Variants in SLC24A3 observed in about 807,000 individuals in gnomAD.
SLC24A3 encodes the protein sodium/potassium/calcium exchanger 3.
In SLC24A3, 28 loss-of-function variants were observed where a neutral mutation model predicts 75.8. The ratio of observed to expected loss-of-function variants is 0.37; its 90% confidence interval spans 0.27 to 0.51. SLC24A3 has a LOEUF of 0.51. Ranked by LOEUF, SLC24A3 falls within the 20% of genes least tolerant of loss-of-function variation. SLC24A3 has a pLI of 0.94. For synonymous variants in SLC24A3, 372 were observed against 334.1 expected (o/e 1.11, Z -1.24); for missense variants, 663 against 847.8 (o/e 0.78, Z 2.71).
intron 2 of SLC24A3, among the ~76,000 whole-genome samples, chr20:19,343,606 C>A (rs1333804109): frequency 6.6e-6 from 1 of 151,804 alleles, no homozygotes; most frequent in Non-Finnish European, 1.5e-5. Context: ...TCATGGAGTA[C>A]AGGGTCTCTG....
chr20:19,280,549 G>A (rs1737967938), intron 1 of SLC24A3, among the ~76,000 whole-genome samples: 1 of 152,148 alleles, frequency 6.6e-6, no homozygotes, highest in Non-Finnish European at 1.5e-5. Context: ...CTTGGCATTG[G>A]CTACAATGGG....
At chr20:19,393,536 T>G (rs1986400399) in intron 2 of SLC24A3, among the ~76,000 whole-genome samples, 1 of 152,132 alleles carries the variant, frequency 6.6e-6, no homozygotes, top group Admixed American at 6.5e-5. Context: ...CATACAAAAA[T>G]CAGTTGCATT....
chr20:19,468,272 G>A (rs56066102), intron 2 of SLC24A3, among the ~76,000 whole-genome samples: 98 of 152,230 alleles, frequency 6.4e-4, no homozygotes, highest in Middle Eastern at 3.4e-3. Context: ...TAGAGATTCC[G>A]TAGCATATTT....
intron 3 of SLC24A3, among the ~76,000 whole-genome samples, chr20:19,536,590 A>C (rs1394678075): frequency 1.3e-5 from 2 of 152,234 alleles, no homozygotes; most frequent in Non-Finnish European, 2.9e-5. Flanking sequence ...CCAAAAGAAC[A>C]AAGCTGGAGG....
At chr20:19,478,310 A>G (rs1165630839) in intron 2 of SLC24A3, among the ~76,000 whole-genome samples, 3 of 152,146 alleles carry the variant, frequency 2.0e-5, no homozygotes, top group African/African-American at 4.8e-5. Context: ...TTTTTATTTC[A>G]GAAGTGGCCA....
intron 2 of SLC24A3, among the ~76,000 whole-genome samples, chr20:19,431,315 G>A (rs1220070574): frequency 6.6e-6 from 1 of 151,966 alleles, no homozygotes; most frequent in Non-Finnish European, 1.5e-5. Flanking sequence ...GGTTGGGAGG[G>A]GCAGTGGACC....
intron 2 of SLC24A3, among the ~76,000 whole-genome samples, chr20:19,395,074 A>G (rs972710235): frequency 5.3e-5 from 8 of 152,246 alleles, no homozygotes; most frequent in African/African-American, 7.2e-5. Context: ...ATATGGATGA[A>G]ATAAGTCAGT....
chr20:19,396,662 ACT>A (rs1302777807), intron 2 of SLC24A3, among the ~76,000 whole-genome samples: 21 of 152,336 alleles, frequency 1.4e-4, no homozygotes, highest in African/African-American at 4.8e-4. Context: ...CAGTATCAGC[ACT>A]GTTTTAAGAC....
intron 3 of SLC24A3, among the ~76,000 whole-genome samples, chr20:19,552,810 A>C (rs1233345267): frequency 1.3e-4 from 19 of 151,894 alleles, no homozygotes; most frequent in Non-Finnish European, 1.9e-4. Context: ...TGACTCCTCC[A>C]GTGTCAGTTT....
intron 1 of SLC24A3, among the ~76,000 whole-genome samples, chr20:19,222,938 T>A (rs994368237): frequency 6.6e-6 from 1 of 151,792 alleles, no homozygotes; most frequent in African/African-American, 2.4e-5. Flanking sequence ...ATCTTCCCCA[T>A]ACCCCTTTTT....
chr20:19,217,226 C>G lies in SLC24A3; in HGVS notation c.142+4242C>G, dbSNP rs1010853189. Among the ~76,000 whole-genome samples, 4 of 152,320 alleles carry G rather than the reference C, an allele frequency of 2.6e-5. No individual in the cohort carries two copies. In the East Asian group the frequency reaches 7.7e-4, roughly 29 times the overall value. On this transcript the variant is annotated intron_variant, in intron 1 of 16. Transcript: ENST00000328041. ...CAAAGCAGCGTTAGATGTCAGCCCA[C>G]GTTGAAGGAGAAGGGCATAGATACC...
chr20:19,428,609 C>A (rs1987051786), intron 2 of SLC24A3, among the ~76,000 whole-genome samples: 1 of 152,206 alleles, frequency 6.6e-6, no homozygotes, highest in Non-Finnish European at 1.5e-5. Context: ...CATGTGAGTT[C>A]TCTCCTTTGA....
At chr20:19,572,900 CTT>C (rs2031076169) in intron 3 of SLC24A3, among the ~76,000 whole-genome samples, 1 of 152,052 alleles carries the variant, frequency 6.6e-6, no homozygotes, top group African/African-American at 2.4e-5. Context: ...TAAAAAAAAA[CTT>C]TTATATTCCA....
intron 1 of SLC24A3, among the ~76,000 whole-genome samples, chr20:19,260,221 A>T: frequency 1.3e-5 from 2 of 152,322 alleles, no homozygotes; most frequent in Middle Eastern, 6.8e-3. Flanking sequence ...CCTGCAGTCT[A>T]GTCCTATGCA....
At chr20:19,354,519 AG>A (rs943364469) in intron 2 of SLC24A3, among the ~76,000 whole-genome samples, 24 of 152,224 alleles carry the variant, frequency 1.6e-4, no homozygotes, top group African/African-American at 5.3e-4. Flanking sequence ...TTTTTCAAAA[AG>A]CACCTAGAAG....
chr20:19,497,385 G>A (rs543535526), intron 2 of SLC24A3, among the ~76,000 whole-genome samples: 11 of 152,150 alleles, frequency 7.2e-5, no homozygotes, highest in African/African-American at 2.4e-4. Context: ...AATCCCAGAC[G>A]CTATGTCCTC....
chr20:19,682,495 C>A (rs943640515), intron 10 of SLC24A3, among the ~76,000 whole-genome samples: 2 of 152,026 alleles, frequency 1.3e-5, no homozygotes, highest in African/African-American at 2.4e-5. Context: ...TCAGAAAGCC[C>A]CCTGGAAATT....
intron 2 of SLC24A3, among the ~76,000 whole-genome samples, chr20:19,350,112 G>C (rs1172791629): frequency 6.6e-6 from 1 of 152,198 alleles, no homozygotes; most frequent in Admixed American, 6.5e-5. Context: ...CCTTAAGCCA[G>C]GGATTACTGA....
intron 2 of SLC24A3, among the ~76,000 whole-genome samples, chr20:19,302,303 A>G (rs1434445876): frequency 2.0e-5 from 3 of 152,258 alleles, no homozygotes; most frequent in African/African-American, 7.2e-5. Context: ...GATACTATCT[A>G]TAATGGTAAT....
Sources: gnomAD v4.1 joint callset for allele counts (sites outside exome capture counted in the v4.1 genomes callset) on GRCh38, gnomAD v4.1.1 for gene constraint, MANE v1.5 for transcripts, NCBI Gene and HGNC (gene_info 2026-07-23, HGNC 2026-07-21) for gene names.